Variants in ROBO2 observed in about 807,000 individuals in gnomAD.
The protein encoded by ROBO2 is roundabout guidance receptor 2.
A neutral mutation model predicts 160.8 loss-of-function variants in ROBO2; 53 were observed. The ratio of observed to expected loss-of-function variants is 0.33; its 90% confidence interval spans 0.26 to 0.41. The LOEUF is 0.41. Ranked by LOEUF, ROBO2 falls within the 10% of genes least tolerant of loss-of-function variation. ROBO2 has a pLI of 1.00. For missense variants in ROBO2, 1,577 were observed against 1,722.4 expected (o/e 0.92, Z 1.49); for synonymous variants, 664 against 611.7 (o/e 1.09, Z -1.26).
At chr3:77,111,193 A>G (rs1379452506) in intron 2 of ROBO2, among the ~76,000 whole-genome samples, 1 of 152,122 alleles carries the variant, frequency 6.6e-6, no homozygotes, top group African/African-American at 2.4e-5. Flanking sequence ...CAAACCACAT[A>G]TCTGAAAAAA....
intron 2 of ROBO2, among the ~76,000 whole-genome samples, chr3:76,605,198 T>C (rs1362980883): frequency 6.6e-6 from 1 of 152,192 alleles, no homozygotes; most frequent in Non-Finnish European, 1.5e-5. Flanking sequence ...CTAAAATAGT[T>C]ATATACCAAG....
At chr3:76,520,687 A>G (rs1455691244) in intron 2 of ROBO2, among the ~76,000 whole-genome samples, 4 of 152,168 alleles carry the variant, frequency 2.6e-5, no homozygotes, top group African/African-American at 9.7e-5. Context: ...ATTCTCATCA[A>G]TCTCTGCTTT....
intron 2 of ROBO2, among the ~76,000 whole-genome samples, chr3:76,970,032 G>C (rs1320556072): frequency 6.6e-6 from 1 of 152,162 alleles, no homozygotes; most frequent in Non-Finnish European, 1.5e-5. Context: ...CAAAGTGTGA[G>C]CCTGGAAGAA....
intron 2 of ROBO2, among the ~76,000 whole-genome samples, chr3:76,231,909 A>C (rs916724978): frequency 1.3e-5 from 2 of 152,224 alleles, no homozygotes; most frequent in Non-Finnish European, 2.9e-5. Flanking sequence ...TTATTGACTC[A>C]ATAAAAATAC....
intron 2 of ROBO2, among the ~76,000 whole-genome samples, chr3:76,782,527 GATA>G (rs2062712454): frequency 1.3e-5 from 2 of 150,790 alleles, no homozygotes; most frequent in African/African-American, 2.4e-5. Context: ...CTTCAGTTCT[GATA>G]ATATTTACTT....
intron 2 of ROBO2, among the ~76,000 whole-genome samples, chr3:76,831,991 G>C (rs1430137506): frequency 6.6e-6 from 1 of 152,034 alleles, no homozygotes; most frequent in Non-Finnish European, 1.5e-5. Flanking sequence ...AAATTTAGGG[G>C]GAAGGGCAAA....
intron 2 of ROBO2, among the ~76,000 whole-genome samples, chr3:77,286,317 CGT>C (rs1284244422): frequency 7.3e-6 from 1 of 136,938 alleles, no homozygotes; most frequent in Non-Finnish European, 1.5e-5. Flanking sequence ...AGTATATTGG[CGT>C]GATCTCTGCT....
At chr3:77,364,086 G>C (rs565709067) in intron 2 of ROBO2, among the ~76,000 whole-genome samples, 11 of 152,270 alleles carry the variant, frequency 7.2e-5, no homozygotes, top group African/African-American at 2.6e-4. Context: ...GCCAGCAGGG[G>C]CTGACATCTT....
At chr3:77,415,404 G>T (rs1034445167) in intron 2 of ROBO2, among the ~76,000 whole-genome samples, 3 of 152,190 alleles carry the variant, frequency 2.0e-5, no homozygotes, top group Admixed American at 6.5e-5. Flanking sequence ...GCTGTATGGA[G>T]CAGAGGCTGG....
At chr3:76,858,364 G>A (rs979393669) in intron 2 of ROBO2, among the ~76,000 whole-genome samples, 2 of 152,100 alleles carry the variant, frequency 1.3e-5, no homozygotes, top group African/African-American at 4.8e-5. Flanking sequence ...TCAAGTTCAA[G>A]CAATTCCTGT....
intron 2 of ROBO2, among the ~76,000 whole-genome samples, chr3:76,543,925 A>C (rs1032370589): frequency 1.3e-5 from 2 of 151,996 alleles, no homozygotes; most frequent in African/African-American, 4.8e-5. Context: ...TCCTCAGTCG[A>C]TCTTCAGGGG....
chr3:76,611,320 A>C (rs1047920406), intron 2 of ROBO2, among the ~76,000 whole-genome samples: 1 of 152,116 alleles, frequency 6.6e-6, no homozygotes, highest in African/African-American at 2.4e-5. Context: ...GGCCTCATAC[A>C]TACTGAATAG....
intron 2 of ROBO2, among the ~76,000 whole-genome samples, chr3:76,129,575 C>T (rs1209169529): frequency 6.6e-6 from 1 of 152,086 alleles, no homozygotes; most frequent in Non-Finnish European, 1.5e-5. Context: ...AAAGAGAGCT[C>T]TTATTAGTCC....
chr3:75,913,706 T>C (rs1946693058), intron 1 of ROBO2, among the ~76,000 whole-genome samples: 1 of 152,242 alleles, frequency 6.6e-6, no homozygotes, highest in Non-Finnish European at 1.5e-5. Flanking sequence ...TAAATTAACA[T>C]AGAACGTTAT....
chr3:76,512,624 G>A (rs989416576), intron 2 of ROBO2, among the ~76,000 whole-genome samples: 7 of 152,176 alleles, frequency 4.6e-5, no homozygotes, highest in East Asian at 3.9e-4. Context: ...CAGCACACCC[G>A]GGTGGCAGAG....
intron 6 of ROBO2, among the ~76,000 whole-genome samples, chr3:77,525,628 C>G (rs2091063909): frequency 6.6e-6 from 1 of 151,064 alleles, no homozygotes; most frequent in Non-Finnish European, 1.5e-5. Context: ...ACATTTTACC[C>G]ATTTTTAATT....
intron 2 of ROBO2, among the ~76,000 whole-genome samples, chr3:77,341,022 A>G (rs906308552): frequency 6.6e-6 from 1 of 152,200 alleles, no homozygotes; most frequent in Non-Finnish European, 1.5e-5. Context: ...ATCAAAAGAA[A>G]AATAATATTT....
chr3:77,372,803 G>C (rs1031130821), intron 2 of ROBO2, among the ~76,000 whole-genome samples: 1 of 151,970 alleles, frequency 6.6e-6, no homozygotes, highest in African/African-American at 2.4e-5. Context: ...CTTAAGATAG[G>C]ATGATTGGCA....
intron 2 of ROBO2, among the ~76,000 whole-genome samples, chr3:77,346,798 G>A (rs371376786): frequency 6.6e-6 from 1 of 152,074 alleles, no homozygotes; most frequent in South Asian, 2.1e-4. Context: ...CATTTTCAAA[G>A]CCGGCAAAAC....
Sources: gnomAD v4.1 joint callset for allele counts (sites outside exome capture counted in the v4.1 genomes callset) on GRCh38, gnomAD v4.1.1 for gene constraint, MANE v1.5 for transcripts, NCBI Gene and HGNC (gene_info 2026-07-23, HGNC 2026-07-21) for gene names.